Variants in COL14A1 observed in about 807,000 individuals in gnomAD.
The protein encoded by COL14A1 is collagen alpha-1(XIV) chain.
In COL14A1, 136 loss-of-function variants were observed where a neutral mutation model predicts 230.3. That is an observed-to-expected ratio of 0.59 (90% confidence interval 0.51 to 0.68). The LOEUF is 0.68. COL14A1 is among the 30% of genes least tolerant of loss of function. The probability of loss-of-function intolerance (pLI) is 0.00; values close to 1 mark genes in which losing one functional copy is unlikely to be tolerated. For missense variants in COL14A1, 1,976 were observed against 2,215.8 expected (o/e 0.89, Z 2.17); for synonymous variants, 792 against 784.1 (o/e 1.01, Z -0.17).
At chr8:120,317,753 A>T (rs1821283344) in intron 40 of COL14A1, among the ~76,000 whole-genome samples, 1 of 152,244 alleles carries the variant, frequency 6.6e-6, no homozygotes, top group South Asian at 2.1e-4. Context: ...ATATACCAAC[A>T]CAGACTTTTT....
Position 120,235,706 on chromosome 8 carries a change from G to A in COL14A1, c.2349+4088G>A, listed in dbSNP as rs1818422652. ...GTTCTCTAGTTCTTTAAACTGTGAT[G>A]TTAGGATGTCGATTTTGGATCTTTC... On this transcript the variant is annotated intron_variant, in intron 19 of 47. Coordinates refer to ENST00000297848, the MANE Select transcript of COL14A1 (RefSeq NM_021110.4). 2.0e-5 allele frequency among the ~76,000 whole-genome samples: 3 copies of A among 152,128 alleles called. 1 individual carries two copies. In the South Asian group the frequency reaches 6.2e-4, roughly 32 times the overall value.
intron 5 of COL14A1, among the ~76,000 whole-genome samples, chr8:120,193,760 C>G (rs560276476): frequency 3.3e-5 from 5 of 152,196 alleles, no homozygotes; most frequent in Non-Finnish European, 5.9e-5. Flanking sequence ...ATGGTGGGTG[C>G]CCCTCCCCCA....
At chr8:120,356,532 G>T (rs1371589936) in intron 45 of COL14A1, among the ~76,000 whole-genome samples, 1 of 152,180 alleles carries the variant, frequency 6.6e-6, no homozygotes, top group Non-Finnish European at 1.5e-5. Context: ...TGATGACATG[G>T]TGGTAAACAG....
intron 1 of COL14A1, among the ~76,000 whole-genome samples, chr8:120,135,285 A>G: frequency 6.6e-6 from 1 of 151,926 alleles, no homozygotes; most frequent in Admixed American, 6.6e-5. Context: ...TCTTTTTGAG[A>G]CAGTGTCTCC....
At chr8:120,216,735 C>T (rs892726945) in intron 14 of COL14A1, among the ~76,000 whole-genome samples, 1 of 152,178 alleles carries the variant, frequency 6.6e-6, no homozygotes, top group African/African-American at 2.4e-5. Context: ...GGCATCTTTA[C>T]TCATGTATCT....
chr8:120,365,248 C>T (rs936465174), intron 45 of COL14A1, among the ~76,000 whole-genome samples: 1 of 152,130 alleles, frequency 6.6e-6, no homozygotes, highest in Non-Finnish European at 1.5e-5. Flanking sequence ...CTGCCTGATC[C>T]ATGTCTTCTT....
At chr8:120,367,876 T>G (rs1275928949) in intron 46 of COL14A1, among the ~76,000 whole-genome samples, 1 of 151,476 alleles carries the variant, frequency 6.6e-6, no homozygotes, top group African/African-American at 2.4e-5. Context: ...CTCTGGAGGT[T>G]GAGGCTACAG....
chr8:120,334,647 A>G (rs1280497087), intron 42 of COL14A1, among the ~76,000 whole-genome samples: 1 of 150,568 alleles, frequency 6.6e-6, no homozygotes, highest in Non-Finnish European at 1.5e-5. Context: ...CTGCAAGCTT[A>G]TCTATTCGTT....
At chr8:120,165,308 T>C (rs541803718) in intron 4 of COL14A1, among the ~76,000 whole-genome samples, 5 of 152,252 alleles carry the variant, frequency 3.3e-5, no homozygotes, top group Non-Finnish European at 7.3e-5. Flanking sequence ...GCTATAGGTT[T>C]GCATTTAGTG....
intron 2 of COL14A1, among the ~76,000 whole-genome samples, chr8:120,154,878 G>C (rs1815413694): frequency 6.6e-6 from 1 of 152,108 alleles, no homozygotes; most frequent in African/African-American, 2.4e-5. Context: ...TGAGATAAGA[G>C]CAATTATTTC....
chr8:120,334,928 G>A (rs1476927473), intron 42 of COL14A1, among the ~76,000 whole-genome samples: 1 of 152,202 alleles, frequency 6.6e-6, no homozygotes, highest in African/African-American at 2.4e-5. Flanking sequence ...GCATCCCGAA[G>A]TGAAATTAGA....
chr8:120,356,984 T>C (rs1823010127), intron 45 of COL14A1, among the ~76,000 whole-genome samples: 1 of 136,664 alleles, frequency 7.3e-6, no homozygotes, highest in Non-Finnish European at 1.6e-5. Context: ...CTTCTTTGCA[T>C]CATCTTTTAT....
At chr8:120,367,296 T>A in intron 46 of COL14A1, 48 bp downstream of exon 46, 1 of 1,462,588 alleles carries the variant, frequency 6.8e-7, no homozygotes. Flanking sequence ...ATTTTTATAT[T>A]CACTTGGCAT....
chr8:120,222,191 T>C (rs979818594), intron 14 of COL14A1, among the ~76,000 whole-genome samples: 2 of 152,166 alleles, frequency 1.3e-5, no homozygotes, highest in African/African-American at 2.4e-5. Flanking sequence ...CCCTACAGGA[T>C]TGTGATAAGG....
chr8:120,339,242 G>T (rs1041187551), intron 42 of COL14A1, among the ~76,000 whole-genome samples: 1 of 152,126 alleles, frequency 6.6e-6, no homozygotes, highest in Admixed American at 6.5e-5. Flanking sequence ...AGGCCTTTGC[G>T]ATCCTCCCAA....
At chr8:120,258,368 GAGTCAT>G (rs1819222189) in intron 23 of COL14A1, among the ~76,000 whole-genome samples, 1 of 152,192 alleles carries the variant, frequency 6.6e-6, no homozygotes, top group Admixed American at 6.5e-5. Context: ...TCCAGGAACT[GAGTCAT>G]ATTGGCCTGG....
chr8:120,257,629 A>C (rs1819199394), intron 23 of COL14A1, among the ~76,000 whole-genome samples: 1 of 152,206 alleles, frequency 6.6e-6, no homozygotes, highest in African/African-American at 2.4e-5. Context: ...TAAGATGCCC[A>C]TTCTTCCACA....
chr8:120,229,682 G>A (rs1376856672), intron 18 of COL14A1, among the ~76,000 whole-genome samples: 3 of 152,080 alleles, frequency 2.0e-5, no homozygotes, highest in South Asian at 2.1e-4. Context: ...CTGAGGAATC[G>A]CCACACTGTC....
chr8:120,343,159 A>T (rs1423119410), intron 44 of COL14A1, among the ~76,000 whole-genome samples: 1 of 152,002 alleles, frequency 6.6e-6, no homozygotes, highest in Non-Finnish European at 1.5e-5. Context: ...CTGCCCACTG[A>T]TTATATATTT....
Sources: allele counts gnomAD v4.1 joint callset (sites outside exome capture counted in the v4.1 genomes callset), GRCh38; gene constraint gnomAD v4.1.1; transcripts MANE v1.5; gene names NCBI Gene and HGNC (gene_info 2026-07-23, HGNC 2026-07-21).